Variants in WDFY3 observed in about 807,000 individuals in gnomAD.
The protein encoded by WDFY3 is WD repeat and FYVE domain-containing protein 3.
Under a neutral mutation model 409.6 loss-of-function variants are expected in WDFY3, and 66 were observed. The ratio of observed to expected loss-of-function variants is 0.16; its 90% CI spans 0.13 to 0.20. The LOEUF (loss-of-function observed/expected upper bound fraction) is 0.20, where lower values mean the gene tolerates loss of function less well. WDFY3 is among the 10% of genes least tolerant of loss of function. The pLI, the probability that WDFY3 is intolerant of heterozygous loss-of-function variation, is 1.00. For missense variants in WDFY3, 3,031 were observed against 4,298.1 expected, an observed-to-expected ratio of 0.71 and a Z score of 8.24; for synonymous variants, 1,521 against 1,537.1, an observed-to-expected ratio of 0.99 and a Z score of 0.25.
intron 6 of WDFY3, among the ~76,000 whole-genome samples, chr4:84,840,029 T>C (rs1003470768): frequency 1.3e-5 from 2 of 152,218 alleles, no homozygotes; most frequent in African/African-American, 2.4e-5. Flanking sequence ...GCCAGTCACA[T>C]GGTACAATTA....
intron 3 of WDFY3, among the ~76,000 whole-genome samples, chr4:84,866,596 T>C (rs1761430178): frequency 6.6e-6 from 1 of 152,176 alleles, no homozygotes; most frequent in Admixed American, 6.5e-5. Context: ...AGCCTTTAAT[T>C]AGCCATGGAC....
chr4:84,966,545 C>A lies in WDFY3; in HGVS notation c.-562G>T, dbSNP rs375837787. Among the ~76,000 whole-genome samples the A allele has an allele frequency of 6.6e-6, 1 of 152,026 alleles. No individual in the cohort carries two copies. Among genetic ancestry groups the A allele is most frequent in the African/African-American group, 2.4e-5 (1 of 41,428 alleles). On this transcript the variant is annotated 5_prime_UTR_variant, in exon 1 of 68. It adds an upstream start codon to the 5' untranslated region. Transcript: ENST00000295888. Reference sequence around the variant, plus strand: ...CGCCGCCGCCTCAGCCTCGGCGCTCCTCGGGTTTCTTCTCTCCATCAAGGC... The same window carrying A: ...CGCCGCCGCCTCAGCCTCGGCGCTCATCGGGTTTCTTCTCTCCATCAAGGC...
intron 1 of WDFY3, among the ~76,000 whole-genome samples, chr4:84,948,300 A>AT (rs1773156622): frequency 1.3e-5 from 2 of 152,126 alleles, no homozygotes; most frequent in African/African-American, 4.8e-5. Context: ...AAGTTTGTTC[A>AT]TTTTAGCAGC....
intron 57 of WDFY3, 120 bp downstream of exon 57, chr4:84,696,612 T>A: frequency 1.1e-6 from 1 of 937,326 alleles, no homozygotes; most frequent in South Asian, 1.6e-5. Flanking sequence ...CCCCTGTAGA[T>A]AAGGGGACCT....
chr4:84,673,862 C>T (rs1725828496), intron 67 of WDFY3, among the ~76,000 whole-genome samples: 1 of 152,114 alleles, frequency 6.6e-6, no homozygotes, highest in Admixed American at 6.5e-5. Context: ...AGTGATCTTC[C>T]TGCCTTGACC....
At chr4:84,890,106 T>A (rs1214745909) in intron 3 of WDFY3, among the ~76,000 whole-genome samples, 1 of 151,968 alleles carries the variant, frequency 6.6e-6, no homozygotes, top group Non-Finnish European at 1.5e-5. Flanking sequence ...CCCCAGCTTT[T>A]TTTTATTTTT....
At chr4:84,711,166 T>C (rs142018562) in intron 51 of WDFY3, among the ~76,000 whole-genome samples, 78 of 152,354 alleles carry the variant, frequency 5.1e-4, no homozygotes, top group Non-Finnish European at 9.7e-4. Flanking sequence ...TACTGAGTGA[T>C]ATAAATGGAA....
intron 22 of WDFY3, among the ~76,000 whole-genome samples, chr4:84,789,314 A>G (rs755156428): frequency 1.2e-4 from 19 of 152,018 alleles, no homozygotes; most frequent in Non-Finnish European, 2.5e-4. Flanking sequence ...ATATGAAAAC[A>G]AAGAAAAAAA....
intron 36 of WDFY3, among the ~76,000 whole-genome samples, chr4:84,744,597 T>G (rs1440161697): frequency 6.6e-6 from 1 of 151,872 alleles, no homozygotes; most frequent in East Asian, 1.9e-4. Flanking sequence ...CTCACGCCTG[T>G]AATCCCAGCA....
chr4:84,743,815 T>G lies in WDFY3; in HGVS notation c.5974-16A>C. ...CAGGGGAAGCCTAATCAAGAAAATTTAGAATTAGAAACAGAACCAACTAAA... is the reference window on the plus strand; with the variant it reads ...CAGGGGAAGCCTAATCAAGAAAATTGAGAATTAGAAACAGAACCAACTAAA... On this transcript the variant is annotated splice_polypyrimidine_tract_variant and intron_variant, in intron 36 of 67. Transcript: ENST00000295888. 6.4e-7 allele frequency: 1 copy of G among 1,554,220 alleles called. No individual in the cohort carries two copies. The highest frequency in any genetic ancestry group is 8.7e-7 in the Non-Finnish European group (1 of 1,147,860).
chr4:84,801,872 C>T lies in WDFY3; in HGVS notation c.2608-8G>A. On this transcript the variant is annotated splice_polypyrimidine_tract_variant and splice_region_variant and intron_variant, in intron 16 of 67. Transcript: ENST00000295888. ...TTGAAGATCCAAAGCATGCTAAAATCAACAAAGAAATCCACACAGTCAGGT... is the reference window on the plus strand; with the variant it reads ...TTGAAGATCCAAAGCATGCTAAAATTAACAAAGAAATCCACACAGTCAGGT... 6.2e-7 allele frequency: 1 copy of T among 1,611,732 alleles called. No homozygotes were observed. Among genetic ancestry groups the T allele is most frequent in the Non-Finnish European group, 8.5e-7 (1 of 1,178,176 alleles).
chr4:84,783,765 C>A (rs1746976735), intron 24 of WDFY3, among the ~76,000 whole-genome samples: 1 of 152,036 alleles, frequency 6.6e-6, no homozygotes, highest in South Asian at 2.1e-4. Context: ...CACACATACA[C>A]AAGATCTATT....
At position 84,757,076 on chromosome 4, in the gene WDFY3, G is replaced by C. The variant is rs780485728; in HGVS notation, c.5274C>G (p.Val1758=). The change falls in exon 33 of 68, where the codon GTC becomes GTG. Residue 1758 remains valine (V), a synonymous_variant. Transcript: ENST00000295888. ...RDACHFPGFP[V]LQSFLPKHTN... is the part of the protein sequence containing the mutation. ...TGTGTTTAGGAAGGAATGACTGAAGGACTGGAAAACCAGGAAAATGACAAG... is the reference window on the plus strand; with the variant it reads ...TGTGTTTAGGAAGGAATGACTGAAGCACTGGAAAACCAGGAAAATGACAAG... The C allele has an allele frequency of 6.2e-7, 1 of 1,614,052 alleles. No individual in the cohort carries two copies. Among genetic ancestry groups the C allele is most frequent in the South Asian group, 1.1e-5 (1 of 91,074 alleles).
chr4:84,711,592 C>T (rs1448197747), intron 51 of WDFY3, among the ~76,000 whole-genome samples: 1 of 152,048 alleles, frequency 6.6e-6, no homozygotes, highest in Non-Finnish European at 1.5e-5. Flanking sequence ...GGGGCTCATG[C>T]CTGTAATTCC....
chr4:84,726,402 A>G (rs1735662151), intron 45 of WDFY3, among the ~76,000 whole-genome samples: 1 of 152,176 alleles, frequency 6.6e-6, no homozygotes, highest in Admixed American at 6.5e-5. Flanking sequence ...AAGTGATCAC[A>G]CACTCTTTGT....
intron 54 of WDFY3, 127 bp from the exon 55 acceptor site, chr4:84,704,571 G>T: frequency 4.8e-6 from 3 of 622,912 alleles, no homozygotes; most frequent in Non-Finnish European, 7.9e-6. Context: ...ATTAGTACTG[G>T]CATTTGCAGC....
At chr4:84,822,139 C>T (rs1462651492) in intron 10 of WDFY3, among the ~76,000 whole-genome samples, 1 of 151,938 alleles carries the variant, frequency 6.6e-6, no homozygotes, top group Non-Finnish European at 1.5e-5. Context: ...GCTATTCAAA[C>T]GTACCAAATG....
intron 43 of WDFY3, 107 bp downstream of exon 43, chr4:84,734,936 C>T (rs1169684390): frequency 5.9e-6 from 5 of 842,902 alleles, no homozygotes; most frequent in African/African-American, 1.8e-5. Flanking sequence ...ATGACGAATG[C>T]AGTCCAGCAA....
chr4:84,946,504 T>C (rs991873341), intron 1 of WDFY3, among the ~76,000 whole-genome samples: 3 of 152,188 alleles, frequency 2.0e-5, no homozygotes, highest in African/African-American at 7.2e-5. Context: ...GATATGGTAC[T>C]TCAACTTGCT....
Sources: allele counts gnomAD v4.1 joint callset (sites outside exome capture counted in the v4.1 genomes callset), GRCh38; gene constraint gnomAD v4.1.1; transcripts MANE v1.5; gene names NCBI Gene and HGNC (gene_info 2026-07-23, HGNC 2026-07-21).